Variants in IL1RAPL1 observed in about 807,000 individuals in gnomAD.
IL1RAPL1 encodes the protein interleukin 1 receptor accessory protein like 1, also known as interleukin-1 receptor accessory protein-like 1.
In IL1RAPL1, 3 loss-of-function variants were observed where a neutral mutation model predicts 48.4. That is an observed-to-expected ratio of 0.06 (90% CI 0.03 to 0.16). IL1RAPL1 has a LOEUF of 0.16. Among genes scored for constraint, IL1RAPL1 ranks in the 10% least tolerant of loss-of-function variants. IL1RAPL1 has a pLI of 1.00. For synonymous variants in IL1RAPL1, 185 were observed against 187.7 expected (o/e 0.99, Z 0.12); for missense variants, 349 against 530.6 (o/e 0.66, Z 3.36).
At chrX:29,214,149 A>C (rs1191578080) in intron 2 of IL1RAPL1, among the ~76,000 whole-genome samples, 2 of 111,655 alleles carry the variant, frequency 1.8e-5, no homozygotes, top group African/African-American at 6.5e-5. Flanking sequence ...AACCAAGCGC[A>C]CATGTGTACA....
At chrX:28,953,394 T>C in intron 2 of IL1RAPL1, among the ~76,000 whole-genome samples, 1 of 111,777 alleles carries the variant, frequency 8.9e-6, no homozygotes, top group Non-Finnish European at 1.9e-5. Flanking sequence ...CAGTATGTTT[T>C]ATTCCATTTG....
intron 2 of IL1RAPL1, among the ~76,000 whole-genome samples, chrX:29,052,911 G>A (rs997485638): frequency 9.0e-6 from 1 of 111,484 alleles, no homozygotes; most frequent in African/African-American, 3.3e-5. Flanking sequence ...GGATACATGT[G>A]CAGGTTTCTT....
chrX:29,197,375 A>G (rs776561242), intron 2 of IL1RAPL1, among the ~76,000 whole-genome samples: 1 of 111,505 alleles, frequency 9.0e-6, no homozygotes, highest in Non-Finnish European at 1.9e-5. Flanking sequence ...GGGAAAAAAG[A>G]ATTAGTGTAT....
chrX:29,529,777 G>A (rs1226376683), intron 5 of IL1RAPL1, among the ~76,000 whole-genome samples: 8 of 110,569 alleles, frequency 7.2e-5, no homozygotes, highest in Non-Finnish European at 1.1e-4. Flanking sequence ...ACATACTCTC[G>A]TGGTTCAGAA....
chrX:29,333,311 G>C (rs1932911111), intron 3 of IL1RAPL1, among the ~76,000 whole-genome samples: 1 of 106,824 alleles, frequency 9.4e-6, no homozygotes, highest in Non-Finnish European at 2.0e-5. Context: ...GGACGGGGCG[G>C]TTGGCCAGGC....
chrX:29,707,589 A>G (rs1252943000), intron 6 of IL1RAPL1, among the ~76,000 whole-genome samples: 1 of 112,499 alleles, frequency 8.9e-6, no homozygotes, highest in African/African-American at 3.2e-5. Flanking sequence ...TGTATGCTAT[A>G]GAATACTACT....
At chrX:28,610,878 A>G (rs150406118) in intron 1 of IL1RAPL1, among the ~76,000 whole-genome samples, 1,546 of 111,481 alleles carry the variant, frequency 0.014, 26 homozygotes, top group African/African-American at 0.047. Context: ...AAAAATTCAC[A>G]TTGAGCAGCA....
At chrX:28,718,256 G>A (rs540426977) in intron 1 of IL1RAPL1, among the ~76,000 whole-genome samples, 53 of 111,175 alleles carry the variant, frequency 4.8e-4, no homozygotes, top group Non-Finnish European at 8.0e-4. Flanking sequence ...AAAACTCTCT[G>A]ATGTTTGATG....
At chrX:29,158,409 C>T (rs1929608446) in intron 2 of IL1RAPL1, among the ~76,000 whole-genome samples, 1 of 111,336 alleles carries the variant, frequency 9.0e-6, no homozygotes, top group Non-Finnish European at 1.9e-5. Flanking sequence ...GAGTCTCGCT[C>T]TATCCCCCAG....
chrX:29,466,683 C>T (rs1053309128), intron 5 of IL1RAPL1, among the ~76,000 whole-genome samples: 2 of 112,028 alleles, frequency 1.8e-5, no homozygotes, highest in Admixed American at 1.9e-4. Context: ...GAGGTTCTGT[C>T]GCATTTATAG....
chrX:29,868,142 A>C (rs1205369883), intron 6 of IL1RAPL1, among the ~76,000 whole-genome samples: 1 of 111,922 alleles, frequency 8.9e-6, no homozygotes, highest in Non-Finnish European at 1.9e-5. Context: ...GCATAATCCT[A>C]TTACTTTTGG....
intron 1 of IL1RAPL1, among the ~76,000 whole-genome samples, chrX:28,786,348 C>T (rs1288888232): frequency 9.1e-6 from 1 of 109,929 alleles, no homozygotes; most frequent in Non-Finnish European, 1.9e-5. Context: ...GCCTGTAATC[C>T]CAGCTACTTG....
chrX:28,658,996 CAG>C, intron 1 of IL1RAPL1: 1 of 455,821 alleles, frequency 2.2e-6, no homozygotes, highest in African/African-American at 2.4e-5. Context: ...TCAGAACTAC[CAG>C]TAACAGGAAG....
chrX:29,466,010 A>T (rs1217882988), intron 5 of IL1RAPL1, among the ~76,000 whole-genome samples: 1 of 112,574 alleles, frequency 8.9e-6, no homozygotes. Flanking sequence ...AATAAAAATA[A>T]CTTTTCCTGG....
In IL1RAPL1 at chrX:28,677,753, A is replaced by C. The variant is rs779505824; in HGVS notation, c.-25+89706A>C. ...CAGGCATGTACCACGAAGCCCAACT[A>C]ATTTTTGTATTTTTAGTAGAGATGG... On this transcript the variant is annotated intron_variant, in intron 1 of 10. Transcript: ENST00000378993. 6.3e-5 allele frequency among the ~76,000 whole-genome samples: 7 copies of C among 110,328 alleles called. No homozygotes were observed. The East Asian group carries it at 2.0e-3, about 31-fold the overall frequency.
Position 29,178,243 on chromosome X carries a change from T to G in IL1RAPL1, c.83-104695T>G, listed in dbSNP as rs1490428070. Reference sequence around the variant, plus strand: ...AAAGCATTCCTTTTTCTCCACATCCTCTCCAGCATCTGTTGTTTTCTGACT... The same window carrying G: ...AAAGCATTCCTTTTTCTCCACATCCGCTCCAGCATCTGTTGTTTTCTGACT... On this transcript the variant is annotated intron_variant, in intron 2 of 10. Transcript: ENST00000378993. Among the ~76,000 whole-genome samples, 9 of 111,940 alleles carry G rather than the reference T, an allele frequency of 8.0e-5. No homozygotes were observed. The East Asian group carries it at 2.5e-3, about 32-fold the overall frequency.
chrX:29,923,276 C>T (rs1932860525), intron 8 of IL1RAPL1, among the ~76,000 whole-genome samples: 1 of 112,280 alleles, frequency 8.9e-6, no homozygotes, highest in African/African-American at 3.2e-5. Context: ...AGAAATTTGA[C>T]CATAGAAAAA....
At chrX:28,950,464 C>A (rs1312360283) in intron 2 of IL1RAPL1, among the ~76,000 whole-genome samples, 2 of 86,019 alleles carry the variant, frequency 2.3e-5, no homozygotes, top group African/African-American at 8.8e-5. Context: ...TAGTTTTTTC[C>A]AATTCTGTGA....
rs140201109 is a variant in IL1RAPL1 at position 29,616,075 on chromosome X, G to A, written c.704-52355G>A. ...TCTAGAAATCACACATGCCGTTTTT[G>A]TAGGAACAGAGACAGGGTCCCAAAA... is the stretch of plus-strand genomic sequence containing the variant. On this transcript the variant is annotated intron_variant, in intron 5 of 10. Coordinates refer to ENST00000378993, the MANE Select transcript of IL1RAPL1 (RefSeq NM_014271.4). Among the ~76,000 whole-genome samples, 799 of 111,963 alleles carry A rather than the reference G, an allele frequency of 7.1e-3. 1 individual carries two copies. The highest frequency in any genetic ancestry group is 0.014 in the Middle Eastern group (3 of 216).
Sources: allele counts gnomAD v4.1 joint callset (sites outside exome capture counted in the v4.1 genomes callset), GRCh38; gene constraint gnomAD v4.1.1; transcripts MANE v1.5; gene names NCBI Gene and HGNC (gene_info 2026-07-23, HGNC 2026-07-21).